TRMT44: variants seen among roughly 807,000 people sequenced by gnomAD.
The protein encoded by TRMT44 is probable tRNA (uracil-O(2)-)-methyltransferase.
A neutral mutation model predicts 77.3 loss-of-function variants in TRMT44; 78 were observed. The observed-to-expected ratio is 1.01, with a 90% CI of 0.84 to 1.22. TRMT44 has a LOEUF of 1.22. Among genes scored for constraint, TRMT44 ranks in the 50% most tolerant of loss-of-function variants. The pLI is 0.00. For synonymous variants in TRMT44, 391 were observed against 383.3 expected, an observed-to-expected ratio of 1.02 and a Z score of -0.23; for missense variants, 1,090 against 964.4, an observed-to-expected ratio of 1.13 and a Z score of -1.73.
chr4:8,505,405 C>T, the TRMT44 span, among the ~76,000 whole-genome samples: 1 of 152,190 alleles, frequency 6.6e-6, no homozygotes, highest in African/African-American at 2.4e-5. Context: ...TCAGCCCCAG[C>T]TCTGCCACCT....
chr4:8,515,648 C>T, the TRMT44 span, among the ~76,000 whole-genome samples: 18 of 152,078 alleles, frequency 1.2e-4, no homozygotes, highest in Non-Finnish European at 1.8e-4. Context: ...ATGCAGGAGG[C>T]GGGGCAGGGA....
At chr4:8,448,827 T>C (rs1478768924) in intron 2 of TRMT44, among the ~76,000 whole-genome samples, 1 of 152,242 alleles carries the variant, frequency 6.6e-6, no homozygotes, top group Non-Finnish European at 1.5e-5. Flanking sequence ...AGTGGGGCCA[T>C]GCTGCTGCCG....
At chr4:8,497,956 C>T (rs1442342770), downstream of TRMT44, among the ~76,000 whole-genome samples, 1 of 152,276 alleles carries the variant, frequency 6.6e-6, no homozygotes, top group African/African-American at 2.4e-5. Flanking sequence ...GGGCAGGGAG[C>T]AGGAGCTGTG....
chr4:8,474,435 A>G (rs1727231825), intron 10 of TRMT44, among the ~76,000 whole-genome samples: 2 of 152,222 alleles, frequency 1.3e-5, no homozygotes, highest in South Asian at 4.1e-4. Flanking sequence ...GAGGGCAAAC[A>G]GGGTCAGGCC....
At chr4:8,514,021 C>T in the TRMT44 span, among the ~76,000 whole-genome samples, 15 of 152,242 alleles carry the variant, frequency 9.9e-5, no homozygotes, top group East Asian at 3.9e-4. Flanking sequence ...CCACTCCTGG[C>T]GAAACCCCCA....
chr4:8,450,790 A>ATTT (rs1725394183), intron 3 of TRMT44, among the ~76,000 whole-genome samples: 1 of 96,012 alleles, frequency 1.0e-5, no homozygotes, highest in South Asian at 4.0e-4. Context: ...TGTCATTTCC[A>ATTT]TGTTTTTTTT....
intron 8 of TRMT44, among the ~76,000 whole-genome samples, chr4:8,467,477 T>C (rs1428732708): frequency 2.6e-5 from 4 of 152,208 alleles, no homozygotes; most frequent in Non-Finnish European, 4.4e-5. Context: ...TTTGTATTTA[T>C]TTTTATTGAT....
rs1726122464 is a variant in TRMT44 at position 8,461,068 on chromosome 4, C to G, written c.1204-2917C>G. On this transcript the variant is annotated intron_variant, in intron 6 of 10. Coordinates refer to ENST00000389737, the MANE Select transcript of TRMT44 (RefSeq NM_152544.3). The surrounding 1 kb of genome is among the most constrained non-coding windows in gnomAD (Gnocchi z 4.6). ...GTCTTCCTATGTTGCCCAGGCTGGT[C>G]TCAAACTCTGGGGCTCAAGTGATCC... 6.6e-6 allele frequency among the ~76,000 whole-genome samples: 1 copy of G among 151,948 alleles called. No individual in the cohort carries two copies. The highest frequency in any genetic ancestry group is 2.4e-5 in the African/African-American group (1 of 41,356).
At position 8,458,661 on chromosome 4, in the gene TRMT44, G is replaced by A. The variant is rs368054038; in HGVS notation, c.1203+3848G>A. On this transcript the variant is annotated intron_variant, in intron 6 of 10. Coordinates refer to ENST00000389737, the MANE Select transcript of TRMT44 (RefSeq NM_152544.3). ...GTAGAGATGGGGTTTCACCATGTTG[G>A]CCAGGCTGGTCTCGAACTCCTGACC... Among the ~76,000 whole-genome samples the A allele has an allele frequency of 1.1e-4, 16 of 151,686 alleles. No homozygotes were observed. In the East Asian group the frequency reaches 2.9e-3, roughly 28 times the overall value.
At position 8,451,993 on chromosome 4, in the gene TRMT44, G is replaced by A. The variant is rs1027326258; in HGVS notation, c.988G>A (p.Val330Met). ...TGAAGTCACTGATCCTGAGAAGTTC[G>A]TGTATGAAGATGTGGCTATCGCAGC... ...WPEVTDPEKFVYEDVAIAAYL... is the reference protein window; with the variant it reads ...WPEVTDPEKFMYEDVAIAAYL... Residue 330 changes from valine to methionine, a missense_variant, in exon 4 of 11, where the codon GTG becomes ATG. Coordinates refer to ENST00000389737, the MANE Select transcript of TRMT44 (RefSeq NM_152544.3). This position sits in a 1 kb window ranked among gnomAD's most constrained non-coding sequence, Gnocchi z 4.1. The A allele has an allele frequency of 4.8e-5, 74 of 1,536,658 alleles. No homozygotes were observed. Among genetic ancestry groups the A allele is most frequent in the Non-Finnish European group, 6.3e-5 (72 of 1,147,046 alleles).
At chr4:8,472,198 G>T (rs906788376) in intron 10 of TRMT44, among the ~76,000 whole-genome samples, 1 of 152,192 alleles carries the variant, frequency 6.6e-6, no homozygotes, top group Non-Finnish European at 1.5e-5. Context: ...GCCCGAGTGG[G>T]CTCAGGAGGG....
rs59875098 is a variant in TRMT44 at position 8,450,792 on chromosome 4, G to GTTTT, written c.954+924_954+927dup. On this transcript the variant is annotated intron_variant, in intron 3 of 10. Coordinates refer to ENST00000389737, the MANE Select transcript of TRMT44 (RefSeq NM_152544.3). ...AGTAACCACAATTTGTCATTTCCAT[G>GTTTT]TTTTTTTTTTTTTTTTTTTTTTTGA... Among the ~76,000 whole-genome samples, 75 of 96,666 alleles carry GTTTT rather than the reference G, an allele frequency of 7.8e-4. 1 individual carries two copies. The highest frequency in any genetic ancestry group is 9.7e-4 in the African/African-American group (24 of 24,700). The allele number at this position is 96,666 out of a possible 152,430, so 63.4% of individuals were successfully genotyped here. A position where few individuals can be genotyped will look rare whatever the true frequency, so the allele number is the denominator to read the frequency against.
chr4:8,516,888 T>G, the TRMT44 span, among the ~76,000 whole-genome samples: 1 of 152,244 alleles, frequency 6.6e-6, no homozygotes, highest in African/African-American at 2.4e-5. Context: ...GCCTTGGCAA[T>G]GATGTACGGT....
rs1482293811 is a variant in TRMT44, at chr4:8,440,958, C to T, written c.136C>T (p.Arg46Cys). 5.2e-6 allele frequency: 8 copies of T among 1,528,950 alleles called. No homozygotes were observed. Among genetic ancestry groups the T allele is most frequent in the Non-Finnish European group, 7.0e-6 (8 of 1,144,960 alleles). 94.7% of individuals were successfully genotyped at this position (1,528,950 alleles called of 1,614,324 possible). A position where few individuals can be genotyped will look rare whatever the true frequency, so the allele number is the denominator to read the frequency against. ...KRLCGARLEA[R>C]WSAALPCAEA... ...GCTTTGCGGCGCCCGCCTGGAGGCCCGCTGGAGCGCCGCCCTGCCCTGCGC... is the reference window on the plus strand; with the variant it reads ...GCTTTGCGGCGCCCGCCTGGAGGCCTGCTGGAGCGCCGCCCTGCCCTGCGC... Residue 46 changes from arginine to cysteine, a missense_variant, in exon 1 of 11, where the codon CGC becomes TGC. Coordinates refer to ENST00000389737, the MANE Select transcript of TRMT44 (RefSeq NM_152544.3).
At chr4:8,472,170 G>T (rs1379923685) in intron 10 of TRMT44, among the ~76,000 whole-genome samples, 1 of 152,212 alleles carries the variant, frequency 6.6e-6, no homozygotes, top group Non-Finnish European at 1.5e-5. Context: ...GTTGTGATGT[G>T]CAGGGAGAAC....
At chr4:8,464,527 C>G (rs547278575) in intron 7 of TRMT44, among the ~76,000 whole-genome samples, 9 of 152,300 alleles carry the variant, frequency 5.9e-5, no homozygotes, top group African/African-American at 1.9e-4. Context: ...TGTGTGTGTC[C>G]GAGAGACTTG....
Position 8,440,988 on chromosome 4 carries a change from G to T in TRMT44, c.166G>T (p.Ala56Ser). 2 of 1,522,656 alleles carry T rather than the reference G, an allele frequency of 1.3e-6. No homozygotes were observed. The allele number at this position is 1,522,656 out of a possible 1,614,324, so 94.3% of individuals were successfully genotyped here. Residue 56 changes from alanine to serine, a missense_variant, in exon 1 of 11, where the codon GCC (alanine) becomes TCC (serine). By Grantham distance (99) the Ala-to-Ser change is moderately conservative. Coordinates refer to ENST00000389737, the MANE Select transcript of TRMT44 (RefSeq NM_152544.3). Reference sequence around the variant, plus strand: ...GAGCGCCGCCCTGCCCTGCGCGGAGGCCCGCGGCCCCGGGACTAGCGCAGG... The same window carrying T: ...GAGCGCCGCCCTGCCCTGCGCGGAGTCCCGCGGCCCCGGGACTAGCGCAGG... ...RWSAALPCAE[A>S]RGPGTSAGSE...
chr4:8,445,237 G>A (rs1475852353), intron 1 of TRMT44, among the ~76,000 whole-genome samples: 2 of 152,266 alleles, frequency 1.3e-5, no homozygotes, highest in South Asian at 2.1e-4. Flanking sequence ...AGTGAGCCTC[G>A]CACCTTGGCC....
At chr4:8,508,520 C>T in the TRMT44 span, among the ~76,000 whole-genome samples, 22 of 152,250 alleles carry the variant, frequency 1.4e-4, no homozygotes, top group African/African-American at 5.3e-4. Flanking sequence ...AACCTGATGT[C>T]TGCTCAGAGT....
Sources: gnomAD v4.1 joint callset for allele counts (sites outside exome capture counted in the v4.1 genomes callset) on GRCh38, gnomAD v4.1.1 for gene constraint, Gnocchi (gnomAD v3.1) non-coding constraint, MANE v1.5 for transcripts, NCBI Gene and HGNC (gene_info 2026-07-23, HGNC 2026-07-21) for gene names.